Variants in TANC1 observed in about 807,000 individuals in gnomAD.
TANC1 encodes the protein tetratricopeptide repeat, ankyrin repeat and coiled-coil containing 1.
TANC1 carries 77 observed loss-of-function variants against 149.7 expected under a neutral mutation model. The ratio of observed to expected loss-of-function variants is 0.51; its 90% confidence interval spans 0.43 to 0.62. The LOEUF (loss-of-function observed/expected upper bound fraction) is 0.62, where lower values mean the gene tolerates loss of function less well. Ranked by LOEUF, TANC1 falls within the 20% of genes least tolerant of loss-of-function variation. The probability of loss-of-function intolerance (pLI) is 0.00; values close to 1 mark genes in which losing one functional copy is unlikely to be tolerated. For synonymous variants in TANC1, 854 were observed against 925.0 expected (o/e 0.92, Z 1.39); for missense variants, 1,985 against 2,321.8 (o/e 0.85, Z 2.98).
chr2:158,990,405 A>C (rs929031449), intron 1 of TANC1, among the ~76,000 whole-genome samples: 3 of 152,208 alleles, frequency 2.0e-5, no homozygotes, highest in African/African-American at 7.2e-5. Context: ...TCTATCCTGG[A>C]GGAACTTAAA....
At chr2:159,124,302 C>T (rs1006341253) in intron 4 of TANC1, among the ~76,000 whole-genome samples, 1 of 152,116 alleles carries the variant, frequency 6.6e-6, no homozygotes, top group Non-Finnish European at 1.5e-5. Context: ...TGAGATCGCA[C>T]CACTGCACTC....
intron 3 of TANC1, among the ~76,000 whole-genome samples, chr2:159,080,922 G>A (rs1383511770): frequency 6.6e-6 from 1 of 152,196 alleles, no homozygotes; most frequent in Non-Finnish European, 1.5e-5. Flanking sequence ...GGTTGGTATG[G>A]TATTGTGATT....
At chr2:158,992,309 G>T (rs907964344) in intron 1 of TANC1, among the ~76,000 whole-genome samples, 2 of 151,268 alleles carry the variant, frequency 1.3e-5, no homozygotes, top group African/African-American at 2.4e-5. Context: ...AGGCTGCAGT[G>T]AGCTGTGATC....
intron 5 of TANC1, among the ~76,000 whole-genome samples, chr2:159,146,502 G>GAAC (rs923922395): frequency 1.3e-5 from 2 of 150,372 alleles, no homozygotes; most frequent in African/African-American, 2.4e-5. Context: ...GCAGTTAAGA[G>GAAC]AACAGTTGAT....
chr2:159,156,694 T>C (rs1575005830), intron 7 of TANC1, among the ~76,000 whole-genome samples: 1 of 152,358 alleles, frequency 6.6e-6, no homozygotes, highest in South Asian at 2.1e-4. Flanking sequence ...AATCGAACTC[T>C]TTTCCAAAGT....
At chr2:159,009,517 C>G (rs1179932628) in intron 2 of TANC1, among the ~76,000 whole-genome samples, 3 of 152,180 alleles carry the variant, frequency 2.0e-5, no homozygotes, top group Non-Finnish European at 4.4e-5. Context: ...ACCGCATGGT[C>G]TCACTCATAT....
chr2:159,153,782 T>C (rs1237320936), intron 7 of TANC1, among the ~76,000 whole-genome samples: 1 of 152,198 alleles, frequency 6.6e-6, no homozygotes, highest in Non-Finnish European at 1.5e-5. Context: ...CTGTGATTGC[T>C]GGAGTAGGGG....
chr2:159,230,267 A>G lies in TANC1; in HGVS notation c.4841A>G (p.Asn1614Ser). 6.2e-7 allele frequency: 1 copy of G among 1,613,968 alleles called. No homozygotes were observed. The highest frequency in any genetic ancestry group is 1.1e-5 in the South Asian group (1 of 91,082). ...AATGTCCGCCTGCAGTGTGGTGAGAATGGCCCTGCACACCCTTTACCAAGT... is the reference window on the plus strand; with the variant it reads ...AATGTCCGCCTGCAGTGTGGTGAGAGTGGCCCTGCACACCCTTTACCAAGT... ...SQNVRLQCGE[N>S]GPAHPLPSKT... The change falls in exon 27 of 27, where the codon AAT (asparagine) becomes AGT (serine). Residue 1614 changes from asparagine (N) to serine (S), a missense_variant. Coordinates refer to ENST00000263635, the MANE Select transcript of TANC1 (RefSeq NM_033394.3). The surrounding 1 kb of genome is among the most constrained non-coding windows in gnomAD (Gnocchi z 4.4).
rs1356067175 is a variant in TANC1 at position 159,232,381 on chromosome 2, T to C, written c.*1369T>C. On this transcript the variant is annotated 3_prime_UTR_variant, in exon 27 of 27. Coordinates refer to ENST00000263635, the MANE Select transcript of TANC1 (RefSeq NM_033394.3). ...AGAAGGAAGTTATATATTTGCAGAA[T>C]GTTTTAAAGTGAATTGTTGTAATGA... 1 of 152,642 alleles carries C rather than the reference T, an allele frequency of 6.6e-6. No homozygotes were observed. Among genetic ancestry groups the C allele is most frequent in the Non-Finnish European group, 1.5e-5 (1 of 68,018 alleles). The allele number at this position is 152,642 out of a possible 1,614,324, so 9.5% of individuals were successfully genotyped here.
intron 3 of TANC1, among the ~76,000 whole-genome samples, chr2:159,094,853 G>A (rs564051616): frequency 6.6e-6 from 1 of 152,252 alleles, no homozygotes; most frequent in African/African-American, 2.4e-5. Context: ...ACTCCTGTCT[G>A]CTTCTCTCCC....
At chr2:159,128,434 T>C (rs1206372798) in intron 4 of TANC1, among the ~76,000 whole-genome samples, 1 of 152,224 alleles carries the variant, frequency 6.6e-6, no homozygotes, top group Admixed American at 6.5e-5. Context: ...TTAATCCCCT[T>C]CTGCCTCTCA....
Position 159,135,513 on chromosome 2 carries a change from G to A in TANC1, c.260-681G>A, listed in dbSNP as rs144765274. Among the ~76,000 whole-genome samples, 8 of 152,362 alleles carry A rather than the reference G, an allele frequency of 5.3e-5. No individual in the cohort carries two copies. In the East Asian group the frequency reaches 1.2e-3, roughly 22 times the overall value. ...AACGGCTGCATCATTGTATGTGAGG[G>A]TTCCATCCAGTCTTACGAAGAATTC... On this transcript the variant is annotated intron_variant, in intron 4 of 26. Coordinates refer to ENST00000263635, the MANE Select transcript of TANC1 (RefSeq NM_033394.3).
chr2:159,006,410 A>G (rs1417113887), intron 2 of TANC1, among the ~76,000 whole-genome samples: 2 of 152,180 alleles, frequency 1.3e-5, no homozygotes, highest in Non-Finnish European at 2.9e-5. Context: ...TTATCCACAC[A>G]GGACCAAGAA....
intron 17 of TANC1, 104 bp from the exon 18 acceptor site, chr2:159,196,504 G>C (rs1016581370): frequency 7.6e-6 from 7 of 917,016 alleles, no homozygotes; most frequent in Non-Finnish European, 1.1e-5. Flanking sequence ...TGAACCCCAT[G>C]TACGCTTACA....
chr2:159,208,854 C>CT (rs1261348259), intron 19 of TANC1, among the ~76,000 whole-genome samples: 2 of 152,198 alleles, frequency 1.3e-5, no homozygotes. Flanking sequence ...CTCCAGTGTA[C>CT]TTACACAAGC....
At chr2:159,083,853 C>G (rs1042700969) in intron 3 of TANC1, among the ~76,000 whole-genome samples, 2 of 151,206 alleles carry the variant, frequency 1.3e-5, no homozygotes, top group Non-Finnish European at 2.9e-5. Context: ...ATTGAGACTG[C>G]TGTTTGGAAA....
intron 3 of TANC1, among the ~76,000 whole-genome samples, chr2:159,087,748 C>T (rs2045084278): frequency 6.6e-6 from 1 of 151,302 alleles, no homozygotes; most frequent in South Asian, 2.1e-4. Flanking sequence ...TTGTGTTCAC[C>T]AAAAAGGTAC....
At chr2:158,991,522 G>T (rs895917006) in intron 1 of TANC1, among the ~76,000 whole-genome samples, 16 of 152,126 alleles carry the variant, frequency 1.1e-4, no homozygotes, top group Non-Finnish European at 2.4e-4. Context: ...GGGAGGCCGA[G>T]GTGGGTGGAT....
Position 159,230,003 on chromosome 2 carries a change from A to G in TANC1, c.4577A>G (p.Gln1526Arg), listed in dbSNP as rs1204089438. The G allele has an allele frequency of 6.2e-7, 1 of 1,614,082 alleles. No individual in the cohort carries two copies. The highest frequency in any genetic ancestry group is 1.1e-5 in the South Asian group (1 of 91,088). The change falls in exon 27 of 27, where the codon CAG becomes CGG. Residue 1526 changes from glutamine (Q) to arginine (R), a missense_variant. Gln to Arg is a conservative substitution (Grantham distance 43). Transcript: ENST00000263635. This position sits in a 1 kb window ranked among gnomAD's most constrained non-coding sequence, Gnocchi z 4.4. ...GTGGCCCAGCCAGGGCTGCTCCTGC[A>G]GCCCTCCAAGCAGGCCCAGATCGTG... The part of the protein sequence containing the change: ...EPVAQPGLLL[Q>R]PSKQAQIVKT...
Sources: gnomAD v4.1 joint callset for allele counts (sites outside exome capture counted in the v4.1 genomes callset) on GRCh38, gnomAD v4.1.1 for gene constraint, Gnocchi (gnomAD v3.1) non-coding constraint, MANE v1.5 for transcripts, NCBI Gene and HGNC (gene_info 2026-07-23, HGNC 2026-07-21) for gene names.